The following APBB2 variants were observed in gnomAD, a reference collection of about 807,000 sequenced individuals.
The protein encoded by APBB2 is amyloid beta precursor protein binding family B member 2, also known as Fe65-like 1.
Under a neutral mutation model 82.5 loss-of-function variants are expected in APBB2, and 38 were observed. That is an observed-to-expected ratio of 0.46 (90% CI 0.36 to 0.60). APBB2 has a LOEUF of 0.60. Ranked by LOEUF, APBB2 falls within the 20% of genes least tolerant of loss-of-function variation. APBB2 has a pLI of 0.00. For synonymous variants in APBB2, 341 were observed against 368.2 expected (o/e 0.93, Z 0.85); for missense variants, 772 against 972.3 (o/e 0.79, Z 2.74).
At chr4:40,995,521 T>C (rs1220085206) in intron 6 of APBB2, among the ~76,000 whole-genome samples, 16 of 151,638 alleles carry the variant, frequency 1.1e-4, no homozygotes. Flanking sequence ...TGTGCCACTA[T>C]ATCTGGCTAA....
chr4:41,010,424 T>C (rs897076894), intron 6 of APBB2, among the ~76,000 whole-genome samples: 6 of 152,186 alleles, frequency 3.9e-5, no homozygotes, highest in African/African-American at 1.4e-4. Context: ...GGCCAAGCAC[T>C]GTAAGATGTT....
At chr4:40,829,174 T>C (rs1404886567) in intron 13 of APBB2, among the ~76,000 whole-genome samples, 1 of 152,146 alleles carries the variant, frequency 6.6e-6, no homozygotes, top group Admixed American at 6.5e-5. Flanking sequence ...GGGGGTGATG[T>C]GGTTGCCAAG....
At chr4:41,120,749 G>A (rs1752567180) in intron 2 of APBB2, among the ~76,000 whole-genome samples, 1 of 152,126 alleles carries the variant, frequency 6.6e-6, no homozygotes. Flanking sequence ...CCGCGCTCTT[G>A]CAAAATACAG....
chr4:41,200,057 A>G (rs116093865), intron 1 of APBB2, among the ~76,000 whole-genome samples: 2,975 of 152,316 alleles, frequency 0.02, 101 homozygotes, highest in African/African-American at 0.068. Context: ...AACCCATTTC[A>G]AGAATTACTC....
chr4:41,190,241 A>ATTTTT lies in APBB2; in HGVS notation c.-417+24159_-417+24163dup, dbSNP rs1160837303. Among the ~76,000 whole-genome samples, 25 of 71,806 alleles carry ATTTTT rather than the reference A, an allele frequency of 3.5e-4. 4 individuals carry two copies. The highest frequency in any genetic ancestry group is 1.2e-3 in the African/African-American group (21 of 17,504). 47.1% of individuals were successfully genotyped at this position (71,806 alleles called of 152,430 possible). A position where few individuals can be genotyped will look rare whatever the true frequency, so the allele number is the denominator to read the frequency against. Reference sequence around the variant, plus strand: ...ATCAAAAGAATTTCCTACATAGGCTATTTTTTTTTTTTTTTTTTTTTTTTT... The same window carrying ATTTTT: ...ATCAAAAGAATTTCCTACATAGGCTATTTTTTTTTTTTTTTTTTTTTTTTTTTTTT... On this transcript the variant is annotated intron_variant, in intron 1 of 17. Transcript: ENST00000508593.
chr4:41,083,912 A>G (rs1343461506), intron 3 of APBB2, among the ~76,000 whole-genome samples: 1 of 152,128 alleles, frequency 6.6e-6, no homozygotes, highest in Non-Finnish European at 1.5e-5. Context: ...AAAAAATAAT[A>G]AAAATTAAAA....
intron 12 of APBB2, among the ~76,000 whole-genome samples, chr4:40,877,251 T>C (rs1767167232): frequency 6.6e-6 from 1 of 152,246 alleles, no homozygotes. Flanking sequence ...AGCAGAAAGC[T>C]GTTACCCATC....
chr4:41,175,861 T>C (rs1185389160), intron 1 of APBB2, among the ~76,000 whole-genome samples: 1 of 152,174 alleles, frequency 6.6e-6, no homozygotes, highest in Admixed American at 6.5e-5. Flanking sequence ...ACTCAAGATA[T>C]TCACAAGTAT....
chr4:40,975,789 C>CA (rs1553890006), intron 6 of APBB2, among the ~76,000 whole-genome samples: 1,567 of 147,814 alleles, frequency 0.011, 29 homozygotes, highest in African/African-American at 0.036. Context: ...CACACACACA[C>CA]AACAACCACT....
intron 3 of APBB2, among the ~76,000 whole-genome samples, chr4:41,081,389 A>T (rs1262661567): frequency 6.6e-6 from 1 of 152,224 alleles, no homozygotes; most frequent in Non-Finnish European, 1.5e-5. Context: ...AAAGACAAAA[A>T]GGGAAAAAAA....
intron 5 of APBB2, among the ~76,000 whole-genome samples, chr4:41,016,494 T>A (rs1425358107): frequency 3.3e-5 from 5 of 152,024 alleles, no homozygotes; most frequent in Non-Finnish European, 5.9e-5. Context: ...AAACCCTGTC[T>A]CTACTAAAAA....
chr4:40,996,016 G>A (rs116244441), intron 6 of APBB2, among the ~76,000 whole-genome samples: 1 of 152,182 alleles, frequency 6.6e-6, no homozygotes, highest in Non-Finnish European at 1.5e-5. Context: ...TAGCTAGATT[G>A]TTGGCCACAG....
intron 4 of APBB2, among the ~76,000 whole-genome samples, chr4:41,052,690 C>T (rs1726434462): frequency 1.3e-5 from 2 of 152,112 alleles, no homozygotes; most frequent in African/African-American, 2.4e-5. Flanking sequence ...AAACAAGTGA[C>T]TTAAAAAGCC....
intron 1 of APBB2, among the ~76,000 whole-genome samples, chr4:41,182,130 G>A (rs1021828305): frequency 2.6e-5 from 4 of 152,076 alleles, no homozygotes; most frequent in Admixed American, 6.5e-5. Flanking sequence ...TAGTGACTCC[G>A]CATCTCCAGG....
chr4:40,993,467 T>C (rs1309279576), intron 6 of APBB2, among the ~76,000 whole-genome samples: 1 of 151,420 alleles, frequency 6.6e-6, no homozygotes, highest in African/African-American at 2.4e-5. Flanking sequence ...CACTGCAGCC[T>C]TGACCTCCGG....
At chr4:41,035,648 C>T (rs1718851133) in intron 4 of APBB2, among the ~76,000 whole-genome samples, 1 of 152,134 alleles carries the variant, frequency 6.6e-6, no homozygotes, top group Non-Finnish European at 1.5e-5. Flanking sequence ...AAGGCTTGAA[C>T]AAAAACTAAG....
At chr4:41,106,493 T>C (rs1747295672) in intron 2 of APBB2, among the ~76,000 whole-genome samples, 1 of 152,156 alleles carries the variant, frequency 6.6e-6, no homozygotes, top group Admixed American at 6.5e-5. Flanking sequence ...GTTTGTTTGT[T>C]TGAGATGGAG....
chr4:41,003,739 G>A (rs1375488285), intron 6 of APBB2, among the ~76,000 whole-genome samples: 2 of 152,202 alleles, frequency 1.3e-5, no homozygotes, highest in African/African-American at 4.8e-5. Flanking sequence ...TTGAGACAGA[G>A]TCTCGCTCTG....
intron 1 of APBB2, among the ~76,000 whole-genome samples, chr4:41,166,269 C>T (rs1766568067): frequency 6.6e-6 from 1 of 152,088 alleles, no homozygotes; most frequent in Non-Finnish European, 1.5e-5. Flanking sequence ...GGCTTGGTAG[C>T]TCACGCCTGT....
Sources: allele counts gnomAD v4.1 joint callset (sites outside exome capture counted in the v4.1 genomes callset), GRCh38; gene constraint gnomAD v4.1.1; transcripts MANE v1.5; gene names NCBI Gene and HGNC (gene_info 2026-07-23, HGNC 2026-07-21).